The following CTNNA2 variants were observed in gnomAD, a reference collection of about 807,000 sequenced individuals.
The protein encoded by CTNNA2 is catenin alpha 2.
CTNNA2 carries 42 observed loss-of-function variants against 101.0 expected under a neutral mutation model. The observed-to-expected ratio is 0.42, with a 90% CI of 0.32 to 0.54. The LOEUF is 0.54. Ranked by LOEUF, CTNNA2 falls within the 20% of genes least tolerant of loss-of-function variation. CTNNA2 has a pLI of 0.14. For missense variants in CTNNA2, 871 were observed against 1,223.1 expected, an observed-to-expected ratio of 0.71 and a Z score of 4.29; for synonymous variants, 450 against 456.4, an observed-to-expected ratio of 0.99 and a Z score of 0.18.
chr2:79,549,192 G>A (rs777858076), intron 1 of CTNNA2, among the ~76,000 whole-genome samples: 40 of 152,072 alleles, frequency 2.6e-4, no homozygotes, highest in South Asian at 1.7e-3. Flanking sequence ...AAGATATAGG[G>A]ATTGGAAACT....
chr2:79,282,256 GTTTA>G (rs904954198), intron 2 of CTNNA2, among the ~76,000 whole-genome samples: 1 of 151,448 alleles, frequency 6.6e-6, no homozygotes, highest in African/African-American at 2.4e-5. Context: ...TTTAAAATTT[GTTTA>G]TTTATTATTA....
chr2:79,792,858 A>G (rs1675391964), intron 3 of CTNNA2, among the ~76,000 whole-genome samples: 1 of 152,220 alleles, frequency 6.6e-6, no homozygotes. Context: ...AAAAACGTAT[A>G]TATGCAAAAT....
At chr2:79,561,367 A>C (rs1674770862) in intron 1 of CTNNA2, among the ~76,000 whole-genome samples, 1 of 151,946 alleles carries the variant, frequency 6.6e-6, no homozygotes, top group Non-Finnish European at 1.5e-5. Flanking sequence ...GTCAATCATG[A>C]ATAATGCTAC....
At chr2:79,823,763 A>G (rs1036670702) in intron 3 of CTNNA2, among the ~76,000 whole-genome samples, 1 of 152,174 alleles carries the variant, frequency 6.6e-6, no homozygotes, top group African/African-American at 2.4e-5. Context: ...TGGTAATAGA[A>G]AATGACGTTA....
chr2:79,699,788 TACACACACACACACACAC>T lies in CTNNA2; in HGVS notation c.103-44572_103-44555del, dbSNP rs377095429. 1.1e-3 allele frequency among the ~76,000 whole-genome samples: 129 copies of T among 120,000 alleles called. 1 individual carries two copies. The highest frequency in any genetic ancestry group is 3.3e-3 in the African/African-American group (110 of 33,094). 78.7% of individuals were successfully genotyped at this position (120,000 alleles called of 152,430 possible). A position where few individuals can be genotyped will look rare whatever the true frequency, so the allele number is the denominator to read the frequency against. Reference sequence around the variant, plus strand: ...AAAATTTAGTCCAAAAAGAAAAAAATACACACACACACACACACACACACACACACACACACACACACA... The same window carrying T: ...AAAATTTAGTCCAAAAAGAAAAAAATACACACACACACACACACACACACA... On this transcript the variant is annotated intron_variant, in intron 2 of 18. Transcript: ENST00000402739.
At chr2:80,441,022 C>T (rs1360157702) in intron 9 of CTNNA2, among the ~76,000 whole-genome samples, 1 of 152,190 alleles carries the variant, frequency 6.6e-6, no homozygotes. Context: ...CTGAGGCAAA[C>T]AATGTGGCCA....
intron 2 of CTNNA2, among the ~76,000 whole-genome samples, chr2:79,200,031 CAGAG>C (rs10649485): frequency 0.01 from 1,569 of 149,832 alleles, 23 homozygotes; most frequent in African/African-American, 0.033. Flanking sequence ...GAGAATGAGA[CAGAG>C]AGAGAGAGAG....
At chr2:79,280,491 G>C (rs890827994) in intron 2 of CTNNA2, among the ~76,000 whole-genome samples, 1 of 152,028 alleles carries the variant, frequency 6.6e-6, no homozygotes, top group Non-Finnish European at 1.5e-5. Flanking sequence ...CCCCGGAGCA[G>C]GGGGTCCTGG....
At chr2:80,568,867 G>A (rs912192666) in intron 12 of CTNNA2, among the ~76,000 whole-genome samples, 1 of 152,068 alleles carries the variant, frequency 6.6e-6, no homozygotes, top group Non-Finnish European at 1.5e-5. Context: ...GGTAATAAGG[G>A]GTGAGACAGA....
chr2:80,527,284 G>A (rs1259768853), intron 9 of CTNNA2, among the ~76,000 whole-genome samples: 1 of 152,192 alleles, frequency 6.6e-6, no homozygotes, highest in African/African-American at 2.4e-5. Context: ...CTGGACTTTA[G>A]AAAACAGGGC....
chr2:80,342,155 T>C (rs1383121373), intron 7 of CTNNA2, among the ~76,000 whole-genome samples: 3 of 152,152 alleles, frequency 2.0e-5, no homozygotes, highest in Non-Finnish European at 4.4e-5. Flanking sequence ...AACCAATTTA[T>C]TTTGGGGAAG....
At chr2:80,606,394 ACACACACACACACACACACC>A (rs1340850376) in intron 16 of CTNNA2, among the ~76,000 whole-genome samples, 41 of 119,898 alleles carry the variant, frequency 3.4e-4, no homozygotes, top group Admixed American at 6.1e-4. Context: ...ACACACACAC[ACACACACACACACACACACC>A]CCCCAGGATA....
At chr2:80,552,818 T>C (rs190998408) in intron 11 of CTNNA2, among the ~76,000 whole-genome samples, 10 of 152,292 alleles carry the variant, frequency 6.6e-5, no homozygotes, top group African/African-American at 2.4e-4. Context: ...GGTAAAAATA[T>C]GACATAATCT....
chr2:80,274,879 C>T (rs985460299), intron 7 of CTNNA2, among the ~76,000 whole-genome samples: 6 of 152,144 alleles, frequency 3.9e-5, no homozygotes, highest in Non-Finnish European at 8.8e-5. Flanking sequence ...TTTCGTAATG[C>T]CTTGCACATA....
chr2:80,601,193 G>A (rs951696203), intron 15 of CTNNA2, among the ~76,000 whole-genome samples: 1 of 152,018 alleles, frequency 6.6e-6, no homozygotes, highest in Non-Finnish European at 1.5e-5. Context: ...ATTTCTTTGG[G>A]TTTTTTCTTC....
At chr2:79,309,346 A>G (rs984285932) in intron 2 of CTNNA2, among the ~76,000 whole-genome samples, 3 of 152,180 alleles carry the variant, frequency 2.0e-5, no homozygotes, top group African/African-American at 7.2e-5. Context: ...ACAAAATTAC[A>G]CAAATTTAGT....
chr2:79,750,128 T>C (rs1671919066), intron 3 of CTNNA2, among the ~76,000 whole-genome samples: 1 of 152,210 alleles, frequency 6.6e-6, no homozygotes, highest in African/African-American at 2.4e-5. Flanking sequence ...GCAAAGGAGT[T>C]ATTCCAATCA....
chr2:79,894,038 CTTCTTCTTCTTCTTCTTCTTCT>C lies in CTNNA2; in HGVS notation c.853-15554_853-15533del, dbSNP rs1558619496. ...TCTTCTTCTTCTTCTTCTTCTTCTT[CTTCTTCTTCTTCTTCTTCTTCT>C]TCTTCCTCCTCCTCCTCCTCCTTCT... On this transcript the variant is annotated intron_variant, in intron 6 of 18. Coordinates refer to ENST00000402739, the MANE Select transcript of CTNNA2 (RefSeq NM_001282597.3). Among the ~76,000 whole-genome samples the C allele has an allele frequency of 4.6e-4, 68 of 146,962 alleles. 1 individual carries two copies. Among genetic ancestry groups the C allele is most frequent in the Admixed American group, 2.3e-3 (34 of 14,612 alleles).
At chr2:80,400,878 C>T (rs1573950454) in intron 8 of CTNNA2, among the ~76,000 whole-genome samples, 1 of 152,174 alleles carries the variant, frequency 6.6e-6, no homozygotes, top group African/African-American at 2.4e-5. Context: ...CCTGGTAGCT[C>T]CTAGACCCCA....
Sources: gnomAD v4.1 joint callset for allele counts (sites outside exome capture counted in the v4.1 genomes callset) on GRCh38, gnomAD v4.1.1 for gene constraint, MANE v1.5 for transcripts, NCBI Gene and HGNC (gene_info 2026-07-23, HGNC 2026-07-21) for gene names.